DSG3: variants seen among roughly 807,000 people sequenced by gnomAD.
The protein encoded by DSG3 is desmoglein-3.
Under a neutral mutation model 85.9 loss-of-function variants are expected in DSG3, and 63 were observed. The observed-to-expected ratio is 0.73, with a 90% CI of 0.60 to 0.90. The LOEUF is 0.90. Among genes scored for constraint, DSG3 ranks in the 40% least tolerant of loss-of-function variants. The pLI is 0.00. For synonymous variants in DSG3, 447 were observed against 441.9 expected, an observed-to-expected ratio of 1.01 and a Z score of -0.14; for missense variants, 1,220 against 1,219.9, an observed-to-expected ratio of 1.00 and a Z score of 0.00.
At chr18:31,457,553 C>CTT (rs1568086380) in intron 3 of DSG3, among the ~76,000 whole-genome samples, 1 of 114,782 alleles carries the variant, frequency 8.7e-6, no homozygotes, top group African/African-American at 4.3e-5. Context: ...CTTTCTCTTT[C>CTT]TTTCTTTCTT....
chr18:31,456,726 T>C (rs1192934703), intron 2 of DSG3, among the ~76,000 whole-genome samples: 1 of 152,160 alleles, frequency 6.6e-6, no homozygotes, highest in African/African-American at 2.4e-5. Context: ...TCAAACCCTA[T>C]GGGCCCAGTA....
At chr18:31,462,712 T>C (rs1240324570) in intron 8 of DSG3, among the ~76,000 whole-genome samples, 4 of 152,196 alleles carry the variant, frequency 2.6e-5, no homozygotes, top group African/African-American at 4.8e-5. Flanking sequence ...TTCTACCTCC[T>C]TACTGCCTGT....
intron 8 of DSG3, 55 bp downstream of exon 8, chr18:31,461,467 T>C (rs1053951219): frequency 1.5e-6 from 2 of 1,374,240 alleles, no homozygotes; most frequent in Middle Eastern, 1.8e-4. Flanking sequence ...ACCAAAATGA[T>C]CATTTCTACA....
At chr18:31,471,704 C>T (rs1462832558) in intron 12 of DSG3, among the ~76,000 whole-genome samples, 2 of 152,184 alleles carry the variant, frequency 1.3e-5, no homozygotes, top group African/African-American at 4.8e-5. Context: ...CCAGAAGAGT[C>T]CTCCAAGCTT....
At chr18:31,465,138 A>G (rs1401582508) in intron 9 of DSG3, among the ~76,000 whole-genome samples, 180 bp from the exon 10 acceptor site, 2 of 152,078 alleles carry the variant, frequency 1.3e-5, no homozygotes, top group Admixed American at 1.3e-4. Context: ...AAAAAAAAAA[A>G]AGAATTATGA....
At chr18:31,455,626 C>A (rs1392164814) in intron 1 of DSG3, among the ~76,000 whole-genome samples, 1 of 152,034 alleles carries the variant, frequency 6.6e-6, no homozygotes, top group Non-Finnish European at 1.5e-5. Context: ...GAAGGATGAG[C>A]AATATTTAAG....
At chr18:31,450,974 G>T (rs1399184229) in intron 1 of DSG3, among the ~76,000 whole-genome samples, 1 of 152,040 alleles carries the variant, frequency 6.6e-6, no homozygotes, top group African/African-American at 2.4e-5. Context: ...GAGCTAAAAA[G>T]TATATCAAAA....
chr18:31,450,982 A>G (rs1171328007), intron 1 of DSG3, among the ~76,000 whole-genome samples: 1 of 152,194 alleles, frequency 6.6e-6, no homozygotes, highest in Non-Finnish European at 1.5e-5. Flanking sequence ...AAGTATATCA[A>G]AAACAGTTGT....
At chr18:31,452,373 G>T (rs2072716596) in intron 1 of DSG3, among the ~76,000 whole-genome samples, 1 of 151,988 alleles carries the variant, frequency 6.6e-6, no homozygotes, top group African/African-American at 2.4e-5. Context: ...ACAAAAATTA[G>T]CTGGGCTTGG....
At chr18:31,467,486 G>T (rs541884664) in intron 11 of DSG3, among the ~76,000 whole-genome samples, 1 of 152,204 alleles carries the variant, frequency 6.6e-6, no homozygotes, top group Non-Finnish European at 1.5e-5. Context: ...AGGGAGTGCC[G>T]CTTACACTAT....
chr18:31,458,740 C>T, intron 4 of DSG3, 140 bp downstream of exon 4: 2 of 1,030,614 alleles, frequency 1.9e-6, no homozygotes, highest in Non-Finnish European at 2.8e-6. Flanking sequence ...ATTAGTCCCT[C>T]CACAGAGCCT....
At chr18:31,463,898 G>A (rs531813675) in intron 8 of DSG3, among the ~76,000 whole-genome samples, 1 of 152,286 alleles carries the variant, frequency 6.6e-6, no homozygotes, top group East Asian at 1.9e-4. Context: ...TAGTCTGAAA[G>A]AGGTACCCTT....
chr18:31,474,398 T>A lies in DSG3; in HGVS notation c.2379T>A (p.Phe793Leu). ...GCATGAATTTTCTGGACTCCTACTT[T>A]TCTCAGGTAATTTGGTGAAAAACTT... ...AISMNFLDSYFSQKAFACAEE... is the reference protein window; with the variant it reads ...AISMNFLDSYLSQKAFACAEE... The change falls in exon 15 of 16, where the codon TTT (phenylalanine) becomes TTA (leucine). Residue 793 changes from phenylalanine (F) to leucine (L), a missense_variant. Transcript: ENST00000257189. 2 of 1,597,336 alleles carry A rather than the reference T, an allele frequency of 1.3e-6. No homozygotes were observed. The highest frequency in any genetic ancestry group is 1.7e-6 in the Non-Finnish European group (2 of 1,169,242).
chr18:31,473,010 T>C (rs1211535729), intron 14 of DSG3, among the ~76,000 whole-genome samples: 2 of 152,364 alleles, frequency 1.3e-5, no homozygotes, highest in African/African-American at 4.8e-5. Flanking sequence ...GCCACCATTG[T>C]CAATATCTAA....
intron 11 of DSG3, 37 bp downstream of exon 11, chr18:31,466,791 T>A (rs372985435): frequency 6.5e-7 from 1 of 1,539,640 alleles, no homozygotes. Context: ...AAATGCAAAC[T>A]GCTCCTTTGT....
intron 12 of DSG3, 83 bp downstream of exon 12, chr18:31,469,432 A>G: frequency 1.3e-6 from 2 of 1,534,584 alleles, no homozygotes; most frequent in South Asian, 1.2e-5. Flanking sequence ...CATCTGTGCA[A>G]TGGGGAAAGA....
chr18:31,449,149 C>T (rs1027936797), intron 1 of DSG3, among the ~76,000 whole-genome samples: 2 of 152,174 alleles, frequency 1.3e-5, no homozygotes, highest in African/African-American at 4.8e-5. Flanking sequence ...CCGTCCACCT[C>T]GGCCTCCCAT....
At chr18:31,462,040 T>C (rs1391248823) in intron 8 of DSG3, among the ~76,000 whole-genome samples, 1 of 151,980 alleles carries the variant, frequency 6.6e-6, no homozygotes, top group Non-Finnish European at 1.5e-5. Context: ...TTTTGTTTTT[T>C]GTTGTTGTGG....
At chr18:31,452,785 T>C (rs1044597023) in intron 1 of DSG3, among the ~76,000 whole-genome samples, 1 of 152,044 alleles carries the variant, frequency 6.6e-6, no homozygotes, top group Non-Finnish European at 1.5e-5. Context: ...TGGTTGGGAG[T>C]TGGATTTAAA....
Sources: gnomAD v4.1 joint callset for allele counts (sites outside exome capture counted in the v4.1 genomes callset) on GRCh38, gnomAD v4.1.1 for gene constraint, MANE v1.5 for transcripts, NCBI Gene and HGNC (gene_info 2026-07-23, HGNC 2026-07-21) for gene names.